The following PRKG1 variants were observed in gnomAD, a reference collection of about 807,000 sequenced individuals.
PRKG1 encodes the protein cGMP-dependent protein kinase 1.
PRKG1 carries 35 observed loss-of-function variants against 88.1 expected under a neutral mutation model. That is an observed-to-expected ratio of 0.40 (90% confidence interval 0.30 to 0.53). PRKG1 has a LOEUF of 0.53. Among genes scored for constraint, PRKG1 ranks in the 20% least tolerant of loss-of-function variants. The pLI is 0.59. For synonymous variants in PRKG1, 303 were observed against 292.5 expected (o/e 1.04, Z -0.37); for missense variants, 540 against 839.8 (o/e 0.64, Z 4.41).
chr10:52,174,433 G>A (rs1006357391), intron 9 of PRKG1, among the ~76,000 whole-genome samples: 1 of 151,920 alleles, frequency 6.6e-6, no homozygotes, highest in Non-Finnish European at 1.5e-5. Flanking sequence ...CTTCTGCACT[G>A]ACATGAGTGA....
chr10:51,829,725 A>G (rs1839959215), intron 4 of PRKG1, among the ~76,000 whole-genome samples: 1 of 152,172 alleles, frequency 6.6e-6, no homozygotes, highest in Non-Finnish European at 1.5e-5. Flanking sequence ...TAAAGCAACA[A>G]CTATTTTTGA....
At chr10:52,106,831 A>C (rs1751730777) in intron 7 of PRKG1, among the ~76,000 whole-genome samples, 1 of 151,774 alleles carries the variant, frequency 6.6e-6, no homozygotes, top group Non-Finnish European at 1.5e-5. Context: ...AATTGTAATG[A>C]CACATAATGA....
intron 7 of PRKG1, among the ~76,000 whole-genome samples, chr10:52,079,048 TCAAA>T (rs1245466568): frequency 6.6e-6 from 1 of 152,228 alleles, no homozygotes. Flanking sequence ...TAATTGCTCT[TCAAA>T]CAGTTTCCTC....
chr10:51,305,371 T>C (rs576689883), intron 2 of PRKG1, among the ~76,000 whole-genome samples: 1 of 152,330 alleles, frequency 6.6e-6, no homozygotes, highest in Non-Finnish European at 1.5e-5. Context: ...TGGCTTGACT[T>C]ACTAACTTTC....
rs1486432043 is a variant in PRKG1, at chr10:51,153,388, C to T, written c.478+58C>T. ...AAATATTCTTTTTTCATCTTATCAG[C>T]TGCACACAGATGGCAATGCATTACA... is the stretch of plus-strand genomic sequence containing the variant. On this transcript the variant is annotated intron_variant, in intron 2 of 17. Transcript: ENST00000373980. 2.0e-6 allele frequency: 3 copies of T among 1,476,900 alleles called. No homozygotes were observed. The African/African-American group carries it at 4.3e-5, about 21-fold the overall frequency. The allele number at this position is 1,476,900 out of a possible 1,614,324, so 91.5% of individuals were successfully genotyped here. A position where few individuals can be genotyped will look rare whatever the true frequency, so the allele number is the denominator to read the frequency against.
At position 51,107,732 on chromosome 10, in the gene PRKG1, G is replaced by A. The variant is rs1193004036; in HGVS notation, c.311+32831G>A. Among the ~76,000 whole-genome samples the A allele has an allele frequency of 2.7e-5, 4 of 149,832 alleles. No homozygotes were observed. The Admixed American group carries it at 2.7e-4, about 10-fold the overall frequency. ...CCAGCTACTTGGGAGGCTGAGCTGG[G>A]AGGGTATTTTGAGCCTGGGAAGTCG... On this transcript the variant is annotated intron_variant, in intron 1 of 17. Transcript: ENST00000373980.
chr10:51,090,751 T>C (rs1451267435), intron 1 of PRKG1, among the ~76,000 whole-genome samples: 1 of 152,230 alleles, frequency 6.6e-6, no homozygotes, highest in African/African-American at 2.4e-5. Flanking sequence ...ATGTAGACTA[T>C]GGCATTGCTG....
At chr10:52,113,839 T>C (rs1445465347) in intron 7 of PRKG1, among the ~76,000 whole-genome samples, 1 of 152,176 alleles carries the variant, frequency 6.6e-6, no homozygotes, top group African/African-American at 2.4e-5. Context: ...GTATGATGTT[T>C]TATTAAGCTA....
intron 3 of PRKG1, chr10:51,699,501 A>G: frequency 6.2e-7 from 1 of 1,613,538 alleles, no homozygotes. Flanking sequence ...ACGAACACGG[A>G]ACGCAGTGAT....
chr10:52,211,529 C>G (rs979152646), intron 9 of PRKG1, among the ~76,000 whole-genome samples: 1 of 151,956 alleles, frequency 6.6e-6, no homozygotes, highest in African/African-American at 2.4e-5. Flanking sequence ...GAAATTGCTA[C>G]TATCAGATGG....
At chr10:52,039,551 G>A (rs995914063) in intron 5 of PRKG1, among the ~76,000 whole-genome samples, 1 of 152,140 alleles carries the variant, frequency 6.6e-6, no homozygotes, top group Non-Finnish European at 1.5e-5. Flanking sequence ...CTTGGGCTCA[G>A]AGGCCTGACA....
At chr10:51,366,433 T>G (rs1273787345) in intron 2 of PRKG1, among the ~76,000 whole-genome samples, 1 of 151,950 alleles carries the variant, frequency 6.6e-6, no homozygotes, top group Non-Finnish European at 1.5e-5. Flanking sequence ...AAGACAAGCT[T>G]TAAAACTTTG....
chr10:51,517,456 C>T lies in PRKG1; in HGVS notation c.592+49620C>T, dbSNP rs12267940. 5.9e-3 allele frequency among the ~76,000 whole-genome samples: 896 copies of T among 152,260 alleles called. 14 individuals carry two copies. The highest frequency in any genetic ancestry group is 0.021 in the African/African-American group (857 of 41,566). ...GGTGTCAACAACACTTGCTGATGAC[C>T]TGGATCTGGGGATTGCGGGACAGCA... On this transcript the variant is annotated intron_variant, in intron 3 of 17. Transcript: ENST00000373980.
intron 7 of PRKG1, among the ~76,000 whole-genome samples, chr10:52,066,689 T>G (rs1197974062): frequency 1.3e-5 from 2 of 152,188 alleles, no homozygotes; most frequent in African/African-American, 2.4e-5. Flanking sequence ...GAACTCCAGC[T>G]TGCTGCTGCT....
chr10:51,423,489 T>C (rs1485570939), intron 2 of PRKG1, among the ~76,000 whole-genome samples: 1 of 152,210 alleles, frequency 6.6e-6, no homozygotes, highest in East Asian at 1.9e-4. Flanking sequence ...GATGATTTTT[T>C]TTCTCCAGAT....
intron 4 of PRKG1, among the ~76,000 whole-genome samples, chr10:51,819,195 G>GTATAGAGA (rs1196763993): frequency 6.6e-6 from 1 of 151,992 alleles, no homozygotes; most frequent in East Asian, 1.9e-4. Context: ...GAGAAGGTAT[G>GTATAGAGA]TATAGAGATC....
At chr10:51,466,897 G>A (rs1333303665) in intron 2 of PRKG1, among the ~76,000 whole-genome samples, 1 of 152,038 alleles carries the variant, frequency 6.6e-6, no homozygotes, top group Non-Finnish European at 1.5e-5. Context: ...AGAAAAATAG[G>A]AGAGGAGAAG....
At chr10:51,228,592 A>G (rs953869746) in intron 2 of PRKG1, among the ~76,000 whole-genome samples, 1 of 151,812 alleles carries the variant, frequency 6.6e-6, no homozygotes, top group African/African-American at 2.4e-5. Flanking sequence ...TTATGGGAGA[A>G]AGAGAGAGAG....
intron 2 of PRKG1, among the ~76,000 whole-genome samples, chr10:51,300,886 G>C (rs1043935629): frequency 6.6e-6 from 1 of 152,196 alleles, no homozygotes; most frequent in Non-Finnish European, 1.5e-5. Context: ...ATTAGCAGCA[G>C]CCTGAAAATA....
Sources: gnomAD v4.1 joint callset for allele counts (sites outside exome capture counted in the v4.1 genomes callset) on GRCh38, gnomAD v4.1.1 for gene constraint, MANE v1.5 for transcripts, NCBI Gene and HGNC (gene_info 2026-07-23, HGNC 2026-07-21) for gene names.